FAM136A: variants seen among roughly 807,000 people sequenced by gnomAD.
The protein encoded by FAM136A is TIM double twin CX3C motif protein.
Under a neutral mutation model 21.6 loss-of-function variants are expected in FAM136A, and 25 were observed. The observed-to-expected ratio is 1.16, with a 90% CI of 0.84 to 1.62. The LOEUF is 1.62. Ranked by LOEUF, FAM136A falls within the 40% of genes most tolerant of loss-of-function variation. The pLI is 0.00. For missense variants in FAM136A, 338 were observed against 332.0 expected (o/e 1.02, Z -0.14); for synonymous variants, 119 against 129.4 (o/e 0.92, Z 0.55).
chr2:70,298,653 A>G (rs1331196698), intron 2 of FAM136A, among the ~76,000 whole-genome samples: 1 of 152,212 alleles, frequency 6.6e-6, no homozygotes, highest in Non-Finnish European at 1.5e-5. Context: ...CTGTCAGCAT[A>G]GAGATTATAT....
intron 1 of FAM136A, chr2:70,301,313 G>A: frequency 7.1e-7 from 1 of 1,399,984 alleles, no homozygotes; most frequent in Non-Finnish European, 9.5e-7. Context: ...CTTCCATGGG[G>A]TTCAGAGGTC....
Position 70,300,866 on chromosome 2 carries a change from C to G in FAM136A, c.523G>C (p.Val175Leu), listed in dbSNP as rs142320110. ...TGGAACTTCTCCAGCTCACTGGTGA[C>G]CAAAGCCTGGGCTTGAGCCAGAGGC... ...HVPLAQAQAL[V>L]TSELEKFQDR... is the part of the protein sequence containing the mutation. Residue 175 changes from valine to leucine, a missense_variant, in exon 2 of 3, where the codon GTC (valine) becomes CTC (leucine). Physicochemically the swap from Val to Leu is conservative, Grantham distance 32. Transcript: ENST00000430566. The G allele has an allele frequency of 6.2e-7, 1 of 1,612,550 alleles. No individual in the cohort carries two copies. The highest frequency in any genetic ancestry group is 1.3e-5 in the African/African-American group (1 of 74,906).
intron 1 of FAM136A, 138 bp from the exon 2 acceptor site, chr2:70,301,118 A>C: frequency 9.4e-7 from 1 of 1,058,474 alleles, no homozygotes; most frequent in Non-Finnish European, 1.4e-6. Context: ...CCCTGAGAAT[A>C]GACACCAGGA....
At chr2:70,297,995 TACTAGA>T (rs1697300019) in intron 2 of FAM136A, among the ~76,000 whole-genome samples, 1 of 151,716 alleles carries the variant, frequency 6.6e-6, no homozygotes, top group African/African-American at 2.4e-5. Context: ...CTCAAACTAT[TACTAGA>T]AAGCAGGTGA....
Position 70,300,836 on chromosome 2 carries a change from T to G in FAM136A, c.549+4A>C. On this transcript the variant is annotated splice_donor_region_variant and intron_variant, in intron 2 of 2. Transcript: ENST00000430566. ...TACAGTGCTCTGTCTAGGATATTTC[T>G]CACCTGGAACTTCTCCAGCTCACTG... 1 of 1,606,880 alleles carries G rather than the reference T, an allele frequency of 6.2e-7. No individual in the cohort carries two copies. The highest frequency in any genetic ancestry group is 8.5e-7 in the Non-Finnish European group (1 of 1,174,216).
rs1697259805 is a variant in FAM136A, at chr2:70,296,808, T to C, written c.*481A>G. The stretch of plus-strand genomic sequence containing the variant: ...AAACAAAGACCCAGAAAACTTTCTT[T>C]CCCTTCTAAGTTAGTGACCTCATTG... On this transcript the variant is annotated 3_prime_UTR_variant, in exon 3 of 3. Transcript: ENST00000430566. The C allele has an allele frequency of 6.6e-6, 1 of 151,254 alleles. No individual in the cohort carries two copies. The allele number at this position is 151,254 out of a possible 1,614,324, so 9.4% of individuals were successfully genotyped here. A position where few individuals can be genotyped will look rare whatever the true frequency, so the allele number is the denominator to read the frequency against.
chr2:70,297,535 T>C, intron 2 of FAM136A, 58 bp from the exon 3 acceptor site: 1 of 1,473,854 alleles, frequency 6.8e-7, no homozygotes, highest in South Asian at 1.2e-5. Flanking sequence ...ATTTACTGCG[T>C]GCTCATTATG....
chr2:70,299,585 CTTTA>C (rs1346622157), intron 2 of FAM136A, among the ~76,000 whole-genome samples: 2 of 152,234 alleles, frequency 1.3e-5, no homozygotes, highest in Middle Eastern at 3.4e-3. Context: ...TTTTAGGAAA[CTTTA>C]TTTTTTTATT....
chr2:70,297,622 T>A, intron 2 of FAM136A, 145 bp from the exon 3 acceptor site: 1 of 122,830 alleles, frequency 8.1e-6, no homozygotes, highest in Non-Finnish European at 1.2e-5. Context: ...ATTGGCCAAG[T>A]TTTTTTTTTT....
At chr2:70,298,858 G>A (rs550741712) in intron 2 of FAM136A, among the ~76,000 whole-genome samples, 1 of 152,268 alleles carries the variant, frequency 6.6e-6, no homozygotes, top group South Asian at 2.1e-4. Flanking sequence ...AGAAGGAGAG[G>A]GATCCACTGT....
chr2:70,297,223 A>G lies in FAM136A; in HGVS notation c.*66T>C. 6.5e-7 allele frequency: 1 copy of G among 1,527,746 alleles called. No individual in the cohort carries two copies. Among genetic ancestry groups the G allele is most frequent in the Non-Finnish European group, 8.8e-7 (1 of 1,131,468 alleles). 94.6% of individuals were successfully genotyped at this position (1,527,746 alleles called of 1,614,324 possible). A position where few individuals can be genotyped will look rare whatever the true frequency, so the allele number is the denominator to read the frequency against. On this transcript the variant is annotated 3_prime_UTR_variant, in exon 3 of 3. Coordinates refer to ENST00000430566, the MANE Select transcript of FAM136A (RefSeq NM_001329752.2). ...TTCGTAAACTTTGCTTAAAAGACTA[A>G]AATTCCCAATTCCTTATAAAAAATA...
In FAM136A at chr2:70,301,764, C is replaced by T. The variant is rs1447101723; in HGVS notation, c.248G>A (p.Ser83Asn). 1.3e-6 allele frequency: 2 copies of T among 1,543,982 alleles called. No homozygotes were observed. Among genetic ancestry groups the T allele is most frequent in the Non-Finnish European group, 1.7e-6 (2 of 1,146,362 alleles). The stretch of plus-strand genomic sequence containing the variant: ...ACGGATTTCATCCGATCCGCCAAAG[C>T]TTCCGAAGTCCTGTCCGAGGCCGCC... ...RRGGLGQDFGSFGGSDEIRVP... is the reference protein window; with the variant it reads ...RRGGLGQDFGNFGGSDEIRVP... Residue 83 changes from serine to asparagine, a missense_variant, in exon 1 of 3, where the codon AGC (serine) becomes AAC (asparagine). Ser to Asn is a conservative substitution (Grantham distance 46). Transcript: ENST00000430566.
exon 1 of FAM136A, chr2:70,302,066 GTAC>G: frequency 6.7e-7 from 1 of 1,503,542 alleles, no homozygotes; most frequent in Non-Finnish European, 8.9e-7. Context: ...TGGAATCGGC[GTAC>G]GGGCCCGCCC....
Position 70,297,093 on chromosome 2 carries a change from AC to A in FAM136A, c.*195del, listed in dbSNP as rs1559050852. 1.0e-5 allele frequency: 6 copies of A among 583,650 alleles called. No homozygotes were observed. Among genetic ancestry groups the A allele is most frequent in the South Asian group, 9.0e-5 (4 of 44,284 alleles). 36.2% of individuals were successfully genotyped at this position (583,650 alleles called of 1,614,324 possible). A position where few individuals can be genotyped will look rare whatever the true frequency, so the allele number is the denominator to read the frequency against. On this transcript the variant is annotated 3_prime_UTR_variant, in exon 3 of 3. Transcript: ENST00000430566. ...TGTAATATCTCTGACTCGATTTAGCACCACTTTTTTCCATTTCATTTTTTAG... is the reference window on the plus strand; with the variant it reads ...TGTAATATCTCTGACTCGATTTAGCACACTTTTTTCCATTTCATTTTTTAG...
In FAM136A at chr2:70,301,947, C is replaced by T; in HGVS notation, c.65G>A (p.Arg22Lys). The change falls in exon 1 of 3, where the codon AGA (arginine) becomes AAA (lysine). Residue 22 changes from arginine (R) to lysine (K), a missense_variant. Transcript: ENST00000430566. ...AVESMVKSLE[R>K]ENIRKMQVAG... ...TACCTGCATCTTCCGGATGTTCTCT[C>T]TTTCCAGACTCTTCACCATGGACTC... The T allele has an allele frequency of 1.2e-6, 2 of 1,609,196 alleles. No homozygotes were observed. Among genetic ancestry groups the T allele is most frequent in the African/African-American group, 2.7e-5 (2 of 74,894 alleles).
intron 2 of FAM136A, among the ~76,000 whole-genome samples, chr2:70,299,372 A>G (rs1697333448): frequency 6.6e-6 from 1 of 152,156 alleles, no homozygotes; most frequent in Non-Finnish European, 1.5e-5. Context: ...TGAGCCAGGA[A>G]TCAGTGAGTC....
Sources: allele counts gnomAD v4.1 joint callset (sites outside exome capture counted in the v4.1 genomes callset), GRCh38; gene constraint gnomAD v4.1.1; transcripts MANE v1.5; gene names NCBI Gene and HGNC (gene_info 2026-07-23, HGNC 2026-07-21).